SHANK2: variants seen among roughly 807,000 people sequenced by gnomAD.
The protein encoded by SHANK2 is SH3 and multiple ankyrin repeat domains protein 2.
A neutral mutation model predicts 133.7 loss-of-function variants in SHANK2; 43 were observed. The ratio of observed to expected loss-of-function variants is 0.32; its 90% CI spans 0.25 to 0.41. The LOEUF is 0.41. Ranked by LOEUF, SHANK2 falls within the 10% of genes least tolerant of loss-of-function variation. The pLI, the probability that SHANK2 is intolerant of heterozygous loss-of-function variation, is 1.00. For missense variants in SHANK2, 1,994 were observed against 2,235.8 expected, an observed-to-expected ratio of 0.89 and a Z score of 2.18; for synonymous variants, 1,017 against 952.8, an observed-to-expected ratio of 1.07 and a Z score of -1.24.
At chr11:70,526,730 A>G (rs2059402983) in intron 17 of SHANK2, among the ~76,000 whole-genome samples, 1 of 151,994 alleles carries the variant, frequency 6.6e-6, no homozygotes, top group African/African-American at 2.4e-5. Context: ...AAATTTTATG[A>G]TTTTGTGATT....
intron 17 of SHANK2, among the ~76,000 whole-genome samples, chr11:70,654,869 G>A (rs1288326048): frequency 6.6e-6 from 1 of 151,596 alleles, no homozygotes; most frequent in Non-Finnish European, 1.5e-5. Context: ...CCGGGTTCAA[G>A]CGATTCTCCT....
chr11:70,623,664 G>A (rs561936698), intron 17 of SHANK2, among the ~76,000 whole-genome samples: 1 of 152,294 alleles, frequency 6.6e-6, no homozygotes, highest in African/African-American at 2.4e-5. Flanking sequence ...AGCCACCCGC[G>A]GCTGCTTAAG....
intron 17 of SHANK2, among the ~76,000 whole-genome samples, chr11:70,568,906 G>GC (rs1265563476): frequency 1.2e-4 from 18 of 152,246 alleles, no homozygotes; most frequent in Admixed American, 1.2e-3. Context: ...TTTATAGATG[G>GC]CTGAGAAGCC....
At chr11:71,219,072 A>G (rs137995137) in intron 2 of SHANK2, among the ~76,000 whole-genome samples, 152 of 152,324 alleles carry the variant, frequency 1.0e-3, no homozygotes, top group African/African-American at 3.6e-3. Context: ...CATCACGTGC[A>G]ATGTCCCACA....
intron 8 of SHANK2, among the ~76,000 whole-genome samples, chr11:71,086,995 G>A (rs891801797): frequency 3.2e-4 from 48 of 152,342 alleles, no homozygotes; most frequent in African/African-American, 9.1e-4. Flanking sequence ...GAACGCACCT[G>A]GCTGGCTTTC....
At chr11:70,707,372 C>CAAAAAAAA (rs1172194976) in intron 14 of SHANK2, among the ~76,000 whole-genome samples, 2 of 57,882 alleles carry the variant, frequency 3.5e-5, no homozygotes, top group African/African-American at 7.8e-5. Context: ...AACTCCATCT[C>CAAAAAAAA]AAAAAAAAAA....
chr11:71,167,734 T>A (rs1351063794), intron 2 of SHANK2, among the ~76,000 whole-genome samples: 5 of 107,532 alleles, frequency 4.6e-5, no homozygotes, highest in Middle Eastern at 9.8e-3. Context: ...CACTTCCCAG[T>A]AGGGGCGGCC....
At chr11:71,187,576 T>A (rs1223897659) in intron 2 of SHANK2, among the ~76,000 whole-genome samples, 1 of 152,188 alleles carries the variant, frequency 6.6e-6, no homozygotes, top group African/African-American at 2.4e-5. Flanking sequence ...GGGTTTCTCA[T>A]GTTTTATTCA....
At chr11:70,936,531 A>G (rs1950573296) in intron 10 of SHANK2, among the ~76,000 whole-genome samples, 1 of 152,184 alleles carries the variant, frequency 6.6e-6, no homozygotes, top group African/African-American at 2.4e-5. Context: ...AAAAAGAGAG[A>G]ATTATATAAA....
At chr11:71,075,809 T>G (rs1339382715) in intron 8 of SHANK2, among the ~76,000 whole-genome samples, 6 of 152,104 alleles carry the variant, frequency 3.9e-5, no homozygotes, top group Non-Finnish European at 8.8e-5. Flanking sequence ...GCAGTCCAGC[T>G]CCTAAGTAAG....
chr11:70,532,218 C>A (rs191558478), intron 17 of SHANK2, among the ~76,000 whole-genome samples: 107 of 152,304 alleles, frequency 7.0e-4, no homozygotes, highest in South Asian at 1.5e-3. Flanking sequence ...TTCCATAAGG[C>A]AGGTGCCCCC....
Position 70,473,309 on chromosome 11 carries a change from T to C in SHANK2, c.5110A>G (p.Thr1704Ala). 1 of 1,613,964 alleles carries C rather than the reference T, an allele frequency of 6.2e-7. No individual in the cohort carries two copies. The highest frequency in any genetic ancestry group is 8.5e-7 in the Non-Finnish European group (1 of 1,180,012). Reference protein sequence around the residue: ...PPDYESRTSGTRRAPSPVVSP... With the variant: ...PPDYESRTSGARRAPSPVVSP... ...ACCACAGGGCTTGGGGCACGTCTTGTTCCTGAGGTCCTGCTTTCATAGTCG... is the reference window on the plus strand; with the variant it reads ...ACCACAGGGCTTGGGGCACGTCTTGCTCCTGAGGTCCTGCTTTCATAGTCG... The change falls in exon 26 of 26, where the codon ACA (threonine) becomes GCA (alanine). Residue 1704 changes from threonine to alanine, a missense_variant. Physicochemically the swap from Thr to Ala is moderately conservative, Grantham distance 58. Around this residue, in one of 5 missense-constraint regions of SHANK2, gnomAD observed 797 missense variants for 907.4 expected, o/e 0.88. Coordinates refer to ENST00000601538, the MANE Select transcript of SHANK2 (RefSeq NM_012309.5). The surrounding 1 kb of genome is among the most constrained non-coding windows in gnomAD (Gnocchi z 5.9).
At chr11:71,215,707 A>G (rs1393350469) in intron 2 of SHANK2, among the ~76,000 whole-genome samples, 1 of 152,190 alleles carries the variant, frequency 6.6e-6, no homozygotes, top group African/African-American at 2.4e-5. Context: ...CTCTCCCTGC[A>G]CACACTGCAG....
chr11:71,140,237 G>A (rs1395385450), intron 3 of SHANK2, among the ~76,000 whole-genome samples: 10 of 152,224 alleles, frequency 6.6e-5, no homozygotes, highest in Non-Finnish European at 1.5e-4. Context: ...GTCTTCAGAA[G>A]GTTCCAGAAA....
At chr11:70,697,180 C>T (rs1238794493) in intron 15 of SHANK2, among the ~76,000 whole-genome samples, 3 of 152,172 alleles carry the variant, frequency 2.0e-5, no homozygotes, top group African/African-American at 4.8e-5. Context: ...AGCTCTGGAG[C>T]TGGATGGTGG....
At chr11:70,915,003 T>C (rs2135739126) in intron 10 of SHANK2, among the ~76,000 whole-genome samples, 1 of 152,256 alleles carries the variant, frequency 6.6e-6, no homozygotes, top group Non-Finnish European at 1.5e-5. Context: ...ACCATTCACT[T>C]TGGAAATGCA....
chr11:70,749,796 T>C (rs1946717843), intron 14 of SHANK2, among the ~76,000 whole-genome samples: 2 of 151,794 alleles, frequency 1.3e-5, no homozygotes, highest in African/African-American at 4.8e-5. Flanking sequence ...ATGACATTTG[T>C]CTAATCTGAA....
At chr11:70,480,912 C>G (rs1156332001) in intron 25 of SHANK2, among the ~76,000 whole-genome samples, 5 of 152,238 alleles carry the variant, frequency 3.3e-5, no homozygotes, top group Non-Finnish European at 5.9e-5. Flanking sequence ...CTTTTGCAGC[C>G]CCAGGCTCCT....
In SHANK2 at chr11:70,492,364, G is replaced by T; in HGVS notation, c.2410C>A (p.Arg804=). 2 of 1,612,732 alleles carry T rather than the reference G, an allele frequency of 1.2e-6. No homozygotes were observed. Among genetic ancestry groups the T allele is most frequent in the Non-Finnish European group, 1.7e-6 (2 of 1,180,004 alleles). The change falls in exon 22 of 26, where the codon CGG becomes AGG. Residue 804 remains arginine (R), a synonymous_variant. Transcript: ENST00000601538. ...VATIKQRPSS[R]CFPAGSDMNS... ...ATGTCTGAGCCCGCCGGGAAGCACCGGCTGCTGGGCCGCTGCTTGATGGTC... is the reference window on the plus strand; with the variant it reads ...ATGTCTGAGCCCGCCGGGAAGCACCTGCTGCTGGGCCGCTGCTTGATGGTC...
Sources: allele counts gnomAD v4.1 joint callset (sites outside exome capture counted in the v4.1 genomes callset), GRCh38; gene constraint gnomAD v4.1.1; regional missense constraint gnomAD v4.1.1; non-coding constraint Gnocchi (gnomAD v3.1); transcripts MANE v1.5; gene names NCBI Gene and HGNC (gene_info 2026-07-23, HGNC 2026-07-21).